ABCG2: variants seen among roughly 807,000 people sequenced by gnomAD.
The protein encoded by ABCG2 is ATP binding cassette subfamily G member 2 (JR blood group), also known as broad substrate specificity ATP-binding cassette transporter ABCG2.
In ABCG2, 80 loss-of-function variants were observed where a neutral mutation model predicts 73.5. The ratio of observed to expected loss-of-function variants is 1.09; its 90% CI spans 0.91 to 1.31. The LOEUF is 1.31. ABCG2 is among the 50% of genes most tolerant of loss of function. The probability of loss-of-function intolerance (pLI) is 0.00; values close to 1 mark genes in which losing one functional copy is unlikely to be tolerated. For synonymous variants in ABCG2, 269 were observed against 282.4 expected, an observed-to-expected ratio of 0.95 and a Z score of 0.48; for missense variants, 796 against 786.2, an observed-to-expected ratio of 1.01 and a Z score of -0.15.
chr4:88,226,175 T>C, intron 1 of ABCG2, among the ~76,000 whole-genome samples: 1 of 152,190 alleles, frequency 6.6e-6, no homozygotes, highest in East Asian at 1.9e-4. Context: ...CTCACTTTCT[T>C]CCTACCTGGC....
chr4:88,146,545 C>A (rs1247813859), intron 1 of ABCG2, among the ~76,000 whole-genome samples: 2 of 152,050 alleles, frequency 1.3e-5, no homozygotes, highest in Admixed American at 6.5e-5. Context: ...CAGGCGCCCA[C>A]CACCACACTT....
chr4:88,093,144 A>G (rs1277743053), intron 15 of ABCG2, among the ~76,000 whole-genome samples: 1 of 152,184 alleles, frequency 6.6e-6, no homozygotes, highest in African/African-American at 2.4e-5. Flanking sequence ...GCCTGATACC[A>G]TTTTTGTGCA....
chr4:88,131,005 A>G, intron 5 of ABCG2, 56 bp downstream of exon 5: 2 of 1,584,908 alleles, frequency 1.3e-6, no homozygotes, highest in Non-Finnish European at 1.7e-6. Flanking sequence ...CATTTTATCC[A>G]CACAGGGAAA....
chr4:88,168,793 T>G (rs1314560702), intron 1 of ABCG2, among the ~76,000 whole-genome samples: 3 of 151,798 alleles, frequency 2.0e-5, no homozygotes, highest in Non-Finnish European at 4.4e-5. Flanking sequence ...ACCAAAAAAG[T>G]ACAGGAAATC....
intron 6 of ABCG2, among the ~76,000 whole-genome samples, chr4:88,121,010 A>G (rs1723930789): frequency 6.6e-6 from 1 of 152,194 alleles, no homozygotes; most frequent in Admixed American, 6.5e-5. Context: ...TATTCAAAAT[A>G]TTTTATGTGA....
chr4:88,183,145 C>A (rs1364834878), intron 1 of ABCG2, among the ~76,000 whole-genome samples: 3 of 128,334 alleles, frequency 2.3e-5, no homozygotes, highest in Admixed American at 7.6e-5. Context: ...AACAACCAAA[C>A]TATGCATCTT....
intron 1 of ABCG2, among the ~76,000 whole-genome samples, chr4:88,192,730 T>TA (rs1422753325): frequency 7.0e-6 from 1 of 143,110 alleles, no homozygotes; most frequent in Non-Finnish European, 1.5e-5. Context: ...TTTTTTTTTT[T>TA]AAACGGAGTC....
At chr4:88,196,698 C>T (rs55976258) in intron 1 of ABCG2, among the ~76,000 whole-genome samples, 20,190 of 151,442 alleles carry the variant, frequency 0.13, 1,675 homozygotes, top group South Asian at 0.26. Context: ...AACTATGAAC[C>T]TCATCAGCAC....
intron 1 of ABCG2, among the ~76,000 whole-genome samples, chr4:88,227,879 C>T (rs1311789067): frequency 3.9e-5 from 6 of 152,018 alleles, no homozygotes; most frequent in Admixed American, 2.0e-4. Context: ...GAGAAGATGC[C>T]GAGGCCAGAA....
At chr4:88,109,220 G>C (rs536115858) in intron 9 of ABCG2, among the ~76,000 whole-genome samples, 5 of 151,876 alleles carry the variant, frequency 3.3e-5, no homozygotes, top group Non-Finnish European at 4.4e-5. Flanking sequence ...GGCTGGTCTC[G>C]AACTCCTGAC....
chr4:88,162,176 C>T (rs955645248), upstream of ABCG2, among the ~76,000 whole-genome samples: 1 of 151,892 alleles, frequency 6.6e-6, no homozygotes, highest in African/African-American at 2.4e-5. Flanking sequence ...CAGAGTGAGA[C>T]CCCACTCTAA....
At chr4:88,097,062 C>T (rs1722032840) in intron 13 of ABCG2, among the ~76,000 whole-genome samples, 1 of 152,038 alleles carries the variant, frequency 6.6e-6, no homozygotes, top group Non-Finnish European at 1.5e-5. Context: ...AAAAAATAAA[C>T]TAGCAGTTCT....
At chr4:88,102,727 C>T (rs1473745615) in intron 10 of ABCG2, among the ~76,000 whole-genome samples, 1 of 151,860 alleles carries the variant, frequency 6.6e-6, no homozygotes, top group East Asian at 1.9e-4. Context: ...ATATAATTGA[C>T]AGTAAGGGTG....
intron 1 of ABCG2, among the ~76,000 whole-genome samples, chr4:88,168,068 CG>C (rs555753080): frequency 1.2e-3 from 107 of 92,144 alleles, no homozygotes; most frequent in African/African-American, 4.3e-3. Flanking sequence ...GAGACAGCAT[CG>C]GGGAGGGGGC....
chr4:88,198,160 C>T (rs922903006), intron 1 of ABCG2, among the ~76,000 whole-genome samples: 3 of 151,566 alleles, frequency 2.0e-5, no homozygotes, highest in African/African-American at 7.3e-5. Flanking sequence ...GGTGAAACCC[C>T]GTCTCTACTA....
intron 10 of ABCG2, among the ~76,000 whole-genome samples, chr4:88,101,561 T>TC (rs530628614): frequency 2.0e-5 from 3 of 151,826 alleles, no homozygotes; most frequent in African/African-American, 7.3e-5. Flanking sequence ...GAATTGCGTC[T>TC]CCCCCCACCA....
At chr4:88,154,191 C>G (rs1474311250) in intron 1 of ABCG2, among the ~76,000 whole-genome samples, 3 of 152,148 alleles carry the variant, frequency 2.0e-5, no homozygotes, top group African/African-American at 7.2e-5. Flanking sequence ...GCTTTTTTAG[C>G]TAACTTATCA....
chr4:88,213,309 T>C (rs1729674731), intron 1 of ABCG2, among the ~76,000 whole-genome samples: 1 of 152,222 alleles, frequency 6.6e-6, no homozygotes, highest in Non-Finnish European at 1.5e-5. Context: ...TTCTGTTTCC[T>C]ATTTCAACAC....
rs905422610 is a variant in ABCG2 at position 88,200,369 on chromosome 4, A to C, written c.-20+30625T>G. 2.6e-5 allele frequency among the ~76,000 whole-genome samples: 4 copies of C among 151,990 alleles called. No homozygotes were observed. The South Asian group carries it at 8.3e-4, about 32-fold the overall frequency. On this transcript the variant is annotated intron_variant, in intron 1 of 15. Transcript: ENST00000515655. The stretch of plus-strand genomic sequence containing the variant: ...AAAAAATTGGAGACAGGGTCTCACT[A>C]TGTTGGCCAGCCTGGTTTGGAAATC...
Sources: allele counts gnomAD v4.1 joint callset (sites outside exome capture counted in the v4.1 genomes callset), GRCh38; gene constraint gnomAD v4.1.1; transcripts MANE v1.5; gene names NCBI Gene and HGNC (gene_info 2026-07-23, HGNC 2026-07-21).